Variants in AMPH observed in about 807,000 individuals in gnomAD.
The protein encoded by AMPH is amphiphysin.
In AMPH, 49 loss-of-function variants were observed where a neutral mutation model predicts 99.1. That is an observed-to-expected ratio of 0.49 (90% CI 0.39 to 0.63). The LOEUF (loss-of-function observed/expected upper bound fraction) is 0.63. Ranked by LOEUF, AMPH falls within the 20% of genes least tolerant of loss-of-function variation. The pLI is 0.00. For synonymous variants in AMPH, 314 were observed against 317.3 expected (o/e 0.99, Z 0.11); for missense variants, 759 against 863.4 (o/e 0.88, Z 1.52).
At position 38,591,056 on chromosome 7, in the gene AMPH, G is replaced by T. The variant is rs7811852; in HGVS notation, c.69+40227C>A. Among the ~76,000 whole-genome samples, 15 of 152,020 alleles carry T rather than the reference G, an allele frequency of 9.9e-5. No individual in the cohort carries two copies. The South Asian group carries it at 1.7e-3, about 17-fold the overall frequency. ...TATAAACAGGAGGGATATTTTGAGA[G>T]GGAATCTTCTCACCAGTTGTCTTAT... is the stretch of plus-strand genomic sequence containing the variant. On this transcript the variant is annotated intron_variant, in intron 1 of 20. Transcript: ENST00000356264.
intron 2 of AMPH, among the ~76,000 whole-genome samples, chr7:38,522,976 T>C (rs781636706): frequency 1.3e-5 from 2 of 151,498 alleles, no homozygotes; most frequent in Non-Finnish European, 2.9e-5. Flanking sequence ...GGCGTAGTGG[T>C]GGGCGCCTGT....
chr7:38,591,729 A>G (rs1040810067), intron 1 of AMPH, among the ~76,000 whole-genome samples: 7 of 152,210 alleles, frequency 4.6e-5, no homozygotes, highest in African/African-American at 1.7e-4. Context: ...ACAAGCCTAC[A>G]GCTGTCCTCA....
chr7:38,487,780 A>C (rs1788562137), intron 5 of AMPH, among the ~76,000 whole-genome samples: 1 of 152,214 alleles, frequency 6.6e-6, no homozygotes, highest in African/African-American at 2.4e-5. Flanking sequence ...TCTATCTGAC[A>C]AAGGGCTAAT....
intron 11 of AMPH, among the ~76,000 whole-genome samples, chr7:38,457,182 C>T (rs560546327): frequency 9.2e-5 from 14 of 152,202 alleles, no homozygotes; most frequent in African/African-American, 2.9e-4. Context: ...GCACAGATAT[C>T]AACACAATGA....
intron 2 of AMPH, among the ~76,000 whole-genome samples, chr7:38,513,041 T>G (rs906100517): frequency 2.1e-4 from 32 of 152,192 alleles, no homozygotes; most frequent in Admixed American, 3.3e-4. Context: ...CAAGGGCCGT[T>G]ACATTCTTTT....
At chr7:38,617,832 C>T (rs1793928596) in intron 1 of AMPH, among the ~76,000 whole-genome samples, 1 of 127,440 alleles carries the variant, frequency 7.8e-6, no homozygotes, top group South Asian at 2.4e-4. Flanking sequence ...TACTTAGTAG[C>T]TCCTAACTAT....
intron 11 of AMPH, among the ~76,000 whole-genome samples, chr7:38,441,888 T>TAC (rs61094157): frequency 0.078 from 6,321 of 81,306 alleles, 613 homozygotes; most frequent in East Asian, 0.31. Flanking sequence ...ATCATATACA[T>TAC]ACACACACAC....
chr7:38,509,962 C>T (rs1254260441), intron 2 of AMPH, among the ~76,000 whole-genome samples: 1 of 98,092 alleles, frequency 1.0e-5, no homozygotes, highest in Non-Finnish European at 2.2e-5. Context: ...TGTGTCAAGG[C>T]ACAGAGATGC....
chr7:38,484,542 C>T (rs1171900689), intron 5 of AMPH, among the ~76,000 whole-genome samples: 2 of 151,920 alleles, frequency 1.3e-5, no homozygotes, highest in Non-Finnish European at 2.9e-5. Flanking sequence ...GCTAGACAAA[C>T]CAAAGCTGAA....
At chr7:38,470,876 T>C (rs1787857228) in intron 7 of AMPH, among the ~76,000 whole-genome samples, 1 of 152,224 alleles carries the variant, frequency 6.6e-6, no homozygotes, top group African/African-American at 2.4e-5. Flanking sequence ...ACATCCAAAC[T>C]ATAGTCTGAG....
intron 5 of AMPH, among the ~76,000 whole-genome samples, chr7:38,480,304 A>G (rs1788240339): frequency 6.6e-6 from 1 of 152,074 alleles, no homozygotes; most frequent in Admixed American, 6.6e-5. Flanking sequence ...GGCAGGTGAG[A>G]CAGGGCACAA....
chr7:38,577,629 A>C (rs1218911048), intron 1 of AMPH, among the ~76,000 whole-genome samples: 1 of 151,994 alleles, frequency 6.6e-6, no homozygotes, highest in Non-Finnish European at 1.5e-5. Context: ...TGAACAAATA[A>C]TAGGGAGGTG....
chr7:38,432,464 A>G (rs1353641654), intron 12 of AMPH, among the ~76,000 whole-genome samples: 1 of 152,176 alleles, frequency 6.6e-6, no homozygotes, highest in African/African-American at 2.4e-5. Flanking sequence ...ATTTTACATA[A>G]TTGTATTATA....
intron 5 of AMPH, among the ~76,000 whole-genome samples, chr7:38,480,277 C>T (rs1445073530): frequency 6.6e-6 from 1 of 152,072 alleles, no homozygotes; most frequent in African/African-American, 2.4e-5. Flanking sequence ...CAGTGACCAG[C>T]GCCAGGAGTA....
intron 1 of AMPH, among the ~76,000 whole-genome samples, chr7:38,583,774 C>G (rs955396502): frequency 2.0e-5 from 3 of 152,248 alleles, no homozygotes; most frequent in Non-Finnish European, 4.4e-5. Context: ...CAGCCATGCA[C>G]TGGGTGCCCT....
chr7:38,487,810 C>G (rs972089605), intron 5 of AMPH, among the ~76,000 whole-genome samples: 2 of 150,382 alleles, frequency 1.3e-5, no homozygotes, highest in Non-Finnish European at 3.0e-5. Flanking sequence ...CTACAAAGAA[C>G]TTAAACAAAT....
chr7:38,605,577 CT>C (rs1170114818), intron 1 of AMPH, among the ~76,000 whole-genome samples: 3 of 137,116 alleles, frequency 2.2e-5, no homozygotes. Context: ...TTTTCTTTTT[CT>C]TTTTTTCTTT....
Position 38,461,276 on chromosome 7 carries a change from C to A in AMPH, c.1017+7G>T, listed in dbSNP as rs1466094240. The A allele has an allele frequency of 6.2e-7, 1 of 1,611,138 alleles. No homozygotes were observed. Among genetic ancestry groups the A allele is most frequent in the East Asian group, 2.2e-5 (1 of 44,872 alleles). On this transcript the variant is annotated splice_region_variant and intron_variant, in intron 11 of 20. Transcript: ENST00000356264. ...ATGGACATACCAGCCCTGAACCAGG[C>A]ACTTACCTGGGAAGGTGTTGTCACA... is the stretch of plus-strand genomic sequence containing the variant.
At chr7:38,481,619 C>T (rs563160445) in intron 5 of AMPH, among the ~76,000 whole-genome samples, 6 of 152,092 alleles carry the variant, frequency 3.9e-5, no homozygotes, top group Non-Finnish European at 5.9e-5. Context: ...TGCTGCATAA[C>T]AGAAACCATA....
Sources: allele counts gnomAD v4.1 joint callset (sites outside exome capture counted in the v4.1 genomes callset), GRCh38; gene constraint gnomAD v4.1.1; transcripts MANE v1.5; gene names NCBI Gene and HGNC (gene_info 2026-07-23, HGNC 2026-07-21).